The following SEC11A variants were observed in gnomAD, a reference collection of about 807,000 sequenced individuals.
The protein encoded by SEC11A is signal peptidase complex catalytic subunit SEC11A.
In SEC11A, 14 loss-of-function variants were observed where a neutral mutation model predicts 25.6. That is an observed-to-expected ratio of 0.55 (90% CI 0.36 to 0.85). The LOEUF is 0.85. Among genes scored for constraint, SEC11A ranks in the 40% least tolerant of loss-of-function variants. The pLI, the probability that SEC11A is intolerant of heterozygous loss-of-function variation, is 0.01. For synonymous variants in SEC11A, 83 were observed against 76.4 expected (o/e 1.09, Z -0.45); for missense variants, 153 against 222.9 (o/e 0.69, Z 2.00).
intron 3 of SEC11A, among the ~76,000 whole-genome samples, chr15:84,682,039 A>G (rs1486218923): frequency 6.6e-6 from 1 of 152,148 alleles, no homozygotes; most frequent in Non-Finnish European, 1.5e-5. Context: ...AGCCTTGGAG[A>G]CAGAGTGAGA....
At chr15:84,686,849 C>A (rs1247424157) in intron 3 of SEC11A, 2 of 152,086 alleles carry the variant, frequency 1.3e-5, no homozygotes, top group African/African-American at 4.8e-5. Flanking sequence ...CAGGCACATG[C>A]CACTACGCCC....
intron 4 of SEC11A, among the ~76,000 whole-genome samples, chr15:84,675,907 C>T (rs1175079337): frequency 2.6e-5 from 4 of 152,188 alleles, no homozygotes; most frequent in African/African-American, 4.8e-5. Flanking sequence ...CAAAAGACTA[C>T]GCATTGTATG....
chr15:84,677,386 T>C (rs1254959266), intron 4 of SEC11A, among the ~76,000 whole-genome samples: 3 of 152,080 alleles, frequency 2.0e-5, no homozygotes, highest in Non-Finnish European at 2.9e-5. Flanking sequence ...ATTACATTTT[T>C]TTAAGTAACA....
intron 3 of SEC11A, among the ~76,000 whole-genome samples, chr15:84,683,328 A>T (rs1391297578): frequency 6.6e-6 from 1 of 152,150 alleles, no homozygotes; most frequent in Non-Finnish European, 1.5e-5. Context: ...ACTCCCCAGA[A>T]AAAGGAAAGG....
At chr15:84,671,602 T>C (rs1379999868) in intron 4 of SEC11A, 1 of 152,222 alleles carries the variant, frequency 6.6e-6, no homozygotes, top group Non-Finnish European at 1.5e-5. Flanking sequence ...ATAATAATTA[T>C]CATACTTTTA....
At chr15:84,713,328 A>G (rs1898347249) in intron 1 of SEC11A, among the ~76,000 whole-genome samples, 1 of 152,192 alleles carries the variant, frequency 6.6e-6, no homozygotes, top group Non-Finnish European at 1.5e-5. Context: ...ACATATATGT[A>G]ATATGTAATT....
intron 4 of SEC11A, chr15:84,679,988 A>T (rs1238477641): frequency 2.7e-6 from 4 of 1,495,488 alleles, no homozygotes; most frequent in Non-Finnish European, 2.7e-6. Flanking sequence ...AACAGGCTTA[A>T]TATAACTTTT....
intron 1 of SEC11A, among the ~76,000 whole-genome samples, chr15:84,705,146 A>G (rs1898058802): frequency 6.6e-6 from 1 of 152,094 alleles, no homozygotes; most frequent in African/African-American, 2.4e-5. Flanking sequence ...GCTGGTCTTG[A>G]ACTCCTGGCC....
chr15:84,695,796 A>C (rs1897751356), intron 1 of SEC11A, among the ~76,000 whole-genome samples: 1 of 152,206 alleles, frequency 6.6e-6, no homozygotes, highest in Non-Finnish European at 1.5e-5. Context: ...CAAGTTTCAT[A>C]TTCTTATAAA....
chr15:84,711,306 C>T (rs1396516907), intron 1 of SEC11A, among the ~76,000 whole-genome samples: 2 of 151,650 alleles, frequency 1.3e-5, no homozygotes, highest in African/African-American at 2.4e-5. Context: ...CACTTGATCC[C>T]GGAAGGAGGA....
chr15:84,677,763 G>A (rs978481085), intron 4 of SEC11A, among the ~76,000 whole-genome samples: 3 of 152,132 alleles, frequency 2.0e-5, no homozygotes, highest in Admixed American at 6.5e-5. Context: ...GTTAGCCACC[G>A]CACCCAGCCC....
At chr15:84,689,091 C>T (rs1897521227) in intron 2 of SEC11A, among the ~76,000 whole-genome samples, 1 of 151,220 alleles carries the variant, frequency 6.6e-6, no homozygotes, top group South Asian at 2.1e-4. Flanking sequence ...AACTGGGGGC[C>T]AGGCACGATG....
rs1273524413 is a variant in SEC11A, at chr15:84,680,831, G to T, written c.313C>A (p.Gln105Lys). Reference protein sequence around the residue: ...VHRVLKIHEKQNGHIKFLTKG... With the variant: ...VHRVLKIHEKKNGHIKFLTKG... The stretch of plus-strand genomic sequence containing the variant: ...GTCAAAAACTTGATATGCCCATTTT[G>T]CCTTAAAAGAGTAAAGGAAACCCAA... Residue 105 changes from glutamine (Q) to lysine (K), a missense_variant and splice_region_variant, in exon 4 of 6, where the codon CAA (glutamine) becomes AAA (lysine). Physicochemically the swap from Gln to Lys is moderately conservative, Grantham distance 53. Coordinates refer to ENST00000268220, the MANE Select transcript of SEC11A (RefSeq NM_014300.4). 5 of 1,604,046 alleles carry T rather than the reference G, an allele frequency of 3.1e-6. No homozygotes were observed. The highest frequency in any genetic ancestry group is 4.3e-6 in the Non-Finnish European group (5 of 1,174,602).
chr15:84,670,258 CTTT>C (rs71132694), intron 5 of SEC11A, 189 bp from the exon 6 acceptor site: 1,557 of 289,564 alleles, frequency 5.4e-3, no homozygotes, highest in South Asian at 7.2e-3. Flanking sequence ...AAATAATTTT[CTTT>C]TTTTTTTTTT....
chr15:84,702,790 T>C (rs1477100857), intron 1 of SEC11A, among the ~76,000 whole-genome samples: 3 of 152,172 alleles, frequency 2.0e-5, no homozygotes, highest in Non-Finnish European at 2.9e-5. Context: ...CAGGCTCAGA[T>C]GGTATTCACT....
chr15:84,690,546 G>A (rs1000368849), intron 2 of SEC11A, among the ~76,000 whole-genome samples: 1 of 152,130 alleles, frequency 6.6e-6, no homozygotes, highest in Non-Finnish European at 1.5e-5. Context: ...GAGACCGGTA[G>A]GTGGAGTCTG....
At chr15:84,670,207 T>C (rs542452521) in intron 5 of SEC11A, 138 bp from the exon 6 acceptor site, 2 of 736,440 alleles carry the variant, frequency 2.7e-6, no homozygotes, top group East Asian at 3.0e-5. Context: ...CTATAATCCA[T>C]TTAAAAGTTT....
chr15:84,689,429 A>G (rs1259962109), intron 2 of SEC11A, among the ~76,000 whole-genome samples: 1 of 152,172 alleles, frequency 6.6e-6, no homozygotes, highest in Non-Finnish European at 1.5e-5. Context: ...TTTGGTTAAA[A>G]AAGAGTAATC....
intron 1 of SEC11A, among the ~76,000 whole-genome samples, chr15:84,703,110 T>C (rs750861811): frequency 2.0e-5 from 3 of 152,104 alleles, no homozygotes; most frequent in East Asian, 1.9e-4. Flanking sequence ...ACCTTTGGGA[T>C]TGGGGACAAA....
Sources: allele counts gnomAD v4.1 joint callset (sites outside exome capture counted in the v4.1 genomes callset), GRCh38; gene constraint gnomAD v4.1.1; transcripts MANE v1.5; gene names NCBI Gene and HGNC (gene_info 2026-07-23, HGNC 2026-07-21).